Variants in ZNF528 observed in about 807,000 individuals in gnomAD.
ZNF528 encodes the protein zinc finger protein 528.
In ZNF528, 9 loss-of-function variants were observed where a neutral mutation model predicts 13.3. The observed-to-expected ratio is 0.67, with a 90% CI of 0.41 to 1.18. The LOEUF is 1.18. ZNF528 is among the 50% of genes most tolerant of loss of function. ZNF528 has a pLI of 0.01. For synonymous variants in ZNF528, 264 were observed against 254.3 expected (o/e 1.04, Z -0.36); for missense variants, 858 against 745.4 (o/e 1.15, Z -1.76).
At chr19:52,407,894 G>A (rs1426195240) in intron 6 of ZNF528, among the ~76,000 whole-genome samples, 2 of 152,144 alleles carry the variant, frequency 1.3e-5, no homozygotes, top group East Asian at 1.9e-4. Flanking sequence ...TGTATTTTTA[G>A]TAGAGATGGG....
chr19:52,401,413 T>A (rs2058792258), intron 2 of ZNF528, among the ~76,000 whole-genome samples: 1 of 152,172 alleles, frequency 6.6e-6, no homozygotes, highest in African/African-American at 2.4e-5. Context: ...TTACTTAAAA[T>A]GAGTGAGGAA....
chr19:52,399,411 G>C (rs2058765659), intron 2 of ZNF528, among the ~76,000 whole-genome samples: 1 of 152,140 alleles, frequency 6.6e-6, no homozygotes, highest in Non-Finnish European at 1.5e-5. Flanking sequence ...CAGGAGTTGA[G>C]ACCAGCCTGG....
rs1397969661 is a variant in ZNF528, at chr19:52,415,426, G to A, written c.574G>A (p.Gly192Ser). The part of the protein sequence containing the change: ...REKAYKCNEH[G>S]QVFRASASLT... Reference sequence around the variant, plus strand: ...AAAAGCTTATAAATGTAATGAGCACGGCCAAGTCTTTAGAGCATCTGCAAG... The same window carrying A: ...AAAAGCTTATAAATGTAATGAGCACAGCCAAGTCTTTAGAGCATCTGCAAG... The change falls in exon 7 of 7, where the codon GGC becomes AGC. Residue 192 changes from glycine to serine, a missense_variant. Gly to Ser is a moderately conservative substitution (Grantham distance 56, BLOSUM62 0). Coordinates refer to ENST00000360465, the MANE Select transcript of ZNF528 (RefSeq NM_032423.3). The A allele has an allele frequency of 4.3e-6, 7 of 1,614,158 alleles. No individual in the cohort carries two copies. Among genetic ancestry groups the A allele is most frequent in the Admixed American group, 1.7e-5 (1 of 60,022 alleles).
intron 5 of ZNF528, 73 bp downstream of exon 5, chr19:52,406,106 G>C (rs1221644048): frequency 3.2e-5 from 48 of 1,513,004 alleles, no homozygotes; most frequent in South Asian, 1.1e-4. Flanking sequence ...TATGCCTCTT[G>C]GGAGCTCCTG....
At position 52,417,120 on chromosome 19, in the gene ZNF528, C is replaced by G. The variant is rs2059014120; in HGVS notation, c.*381C>G. The stretch of plus-strand genomic sequence containing the variant: ...CGGCTTGTAAATGACCAGTTTTATT[C>G]AGGCTATAAAGCATTCAATTATTTG... On this transcript the variant is annotated 3_prime_UTR_variant, in exon 7 of 7. Coordinates refer to ENST00000360465, the MANE Select transcript of ZNF528 (RefSeq NM_032423.3). The G allele has an allele frequency of 4.3e-6, 1 of 231,910 alleles. No individual in the cohort carries two copies. The highest frequency in any genetic ancestry group is 8.5e-6 in the Non-Finnish European group (1 of 116,972). The allele number at this position is 231,910 out of a possible 1,614,324, so 14.4% of individuals were successfully genotyped here.
chr19:52,416,756 T>TGC lies in ZNF528; in HGVS notation c.*17_*18insGC, dbSNP rs2122610654. ...CATTCATGAGAGTCCCTACAAACTG[T>TGC]ATGGCAAAACCATCATCATGAGTTC... On this transcript the variant is annotated 3_prime_UTR_variant, in exon 7 of 7. Transcript: ENST00000360465. The TGC allele has an allele frequency of 6.3e-7, 1 of 1,574,920 alleles. No homozygotes were observed. Among genetic ancestry groups the TGC allele is most frequent in the Non-Finnish European group, 8.6e-7 (1 of 1,156,900 alleles).
At chr19:52,414,271 C>T (rs867520840) in intron 6 of ZNF528, 30 of 702,492 alleles carry the variant, frequency 4.3e-5, no homozygotes, top group African/African-American at 2.4e-4. Flanking sequence ...GCCACTTGTC[C>T]GACATCCTCG....
intron 6 of ZNF528, 127 bp downstream of exon 6, chr19:52,406,770 T>A: frequency 1.6e-6 from 2 of 1,262,576 alleles, no homozygotes; most frequent in Non-Finnish European, 2.1e-6. Flanking sequence ...TTCCTGGACT[T>A]AAGGGATCTC....
At chr19:52,399,901 C>T (rs923737579) in intron 2 of ZNF528, among the ~76,000 whole-genome samples, 1 of 152,164 alleles carries the variant, frequency 6.6e-6, no homozygotes, top group Admixed American at 6.5e-5. Context: ...GGAACAACCA[C>T]AGACACATTT....
In ZNF528 at chr19:52,415,602, C is replaced by T. The variant is rs775277736; in HGVS notation, c.750C>T (p.Phe250=). Residue 250 remains phenylalanine (F), a synonymous_variant, in exon 7 of 7, where the codon TTC becomes TTT. Transcript: ENST00000360465. ...AATGTCATGAATGTGGCAAGCTCTTCAGTAGCAATTCAAACCTTTCACAAC... is the reference window on the plus strand; with the variant it reads ...AATGTCATGAATGTGGCAAGCTCTTTAGTAGCAATTCAAACCTTTCACAAC... ...PYKCHECGKL[F]SSNSNLSQHQ... 2.5e-6 allele frequency: 4 copies of T among 1,613,970 alleles called. No individual in the cohort carries two copies. Among genetic ancestry groups the T allele is most frequent in the Non-Finnish European group, 3.4e-6 (4 of 1,179,984 alleles).
At position 52,407,674 on chromosome 19, in the gene ZNF528, G is replaced by A. The variant is rs555045139; in HGVS notation, c.271+1031G>A. 7.9e-4 allele frequency among the ~76,000 whole-genome samples: 121 copies of A among 152,210 alleles called. 1 individual carries two copies. The East Asian group carries it at 0.014, about 18-fold the overall frequency. On this transcript the variant is annotated intron_variant, in intron 6 of 6. Transcript: ENST00000360465. ...GCCTATAATCCCAGCTACTCAGGAG[G>A]CTGAGGCAGGAGAATCGCTTGAACC...
At position 52,406,049 on chromosome 19, in the gene ZNF528, C is replaced by A; in HGVS notation, c.142+16C>A. ...GTCTCCCTGGGTGAGGATAATGTCC[C>A]CTCAGAAGCCGGGATCTGCCCTGGT... On this transcript the variant is annotated intron_variant, in intron 5 of 6. Coordinates refer to ENST00000360465, the MANE Select transcript of ZNF528 (RefSeq NM_032423.3). 6.2e-7 allele frequency: 1 copy of A among 1,606,694 alleles called. No homozygotes were observed. Among genetic ancestry groups the A allele is most frequent in the Non-Finnish European group, 8.5e-7 (1 of 1,175,950 alleles).
At position 52,415,982 on chromosome 19, in the gene ZNF528, G is replaced by T. The variant is rs1449585419; in HGVS notation, c.1130G>T (p.Gly377Val). The change falls in exon 7 of 7, where the codon GGA (glycine) becomes GTA (valine). Residue 377 changes from glycine (G) to valine (V), a missense_variant. Gly to Val is a moderately radical substitution (Grantham distance 109). Transcript: ENST00000360465. ...ATAACCCATCAGTTAATTCACACTG[G>T]AAGGAAACCTTACAAATGTAAAGAA... The part of the protein sequence containing the change: ...SLITHQLIHT[G>V]RKPYKCKECD... The T allele has an allele frequency of 6.2e-7, 1 of 1,613,974 alleles. No homozygotes were observed. The highest frequency in any genetic ancestry group is 8.5e-7 in the Non-Finnish European group (1 of 1,180,008).
chr19:52,405,966 GGA>G lies in ZNF528; in HGVS notation c.76_77del (p.Asp26ProfsTer16). The G allele has an allele frequency of 6.2e-7, 1 of 1,612,360 alleles. No homozygotes were observed. Among genetic ancestry groups the G allele is most frequent in the South Asian group, 1.1e-5 (1 of 91,062 alleles). On this transcript the variant is annotated frameshift_variant, in exon 5 of 7. Coordinates refer to ENST00000360465, the MANE Select transcript of ZNF528 (RefSeq NM_032423.3). LOFTEE classifies it high-confidence loss of function. ...EFSQEEWKCL[D>X]PAQRTLYRDV... ...TCTCTCAGGAAGAGTGGAAATGCCT[GGA>G]CCCTGCGCAGAGGACTTTATACAGG...
chr19:52,400,397 C>G (rs1000066948), intron 2 of ZNF528, among the ~76,000 whole-genome samples: 2 of 152,096 alleles, frequency 1.3e-5, no homozygotes, highest in Non-Finnish European at 2.9e-5. Context: ...TTTAGGCGCT[C>G]TCTCACTCTT....
At position 52,405,890 on chromosome 19, in the gene ZNF528, T is replaced by C; in HGVS notation, c.16-17T>C. On this transcript the variant is annotated splice_polypyrimidine_tract_variant and intron_variant, in intron 4 of 6. Coordinates refer to ENST00000360465, the MANE Select transcript of ZNF528 (RefSeq NM_032423.3). The stretch of plus-strand genomic sequence containing the variant: ...CTGTGTGCATACCTTGTTGCTGAAA[T>C]GTGGATTTTCTTTCAGGGACCCTTG... 6.2e-7 allele frequency: 1 copy of C among 1,607,172 alleles called. No homozygotes were observed. Among genetic ancestry groups the C allele is most frequent in the East Asian group, 2.2e-5 (1 of 44,560 alleles).
Position 52,416,637 on chromosome 19 carries a change from C to A in ZNF528, c.1785C>A (p.His595Gln). Reference protein sequence around the residue: ...IFTQKSSLTNHHRIHIGEKPY... With the variant: ...IFTQKSSLTNQHRIHIGEKPY... ...CTCAGAAGTCTTCCCTCACCAATCA[C>A]CATAGAATTCACATTGGAGAGAAAC... The change falls in exon 7 of 7, where the codon CAC (histidine) becomes CAA (glutamine). Residue 595 changes from histidine (H) to glutamine (Q), a missense_variant. Physicochemically the swap from His to Gln is conservative, Grantham distance 24. Transcript: ENST00000360465. 1 of 1,614,100 alleles carries A rather than the reference C, an allele frequency of 6.2e-7. No individual in the cohort carries two copies. Among genetic ancestry groups the A allele is most frequent in the East Asian group, 2.2e-5 (1 of 44,876 alleles).
intron 2 of ZNF528, among the ~76,000 whole-genome samples, chr19:52,400,234 A>G (rs1364686630): frequency 2.8e-5 from 4 of 141,378 alleles, no homozygotes. Context: ...TAAAACACAC[A>G]CACACACACA....
At position 52,402,010 on chromosome 19, in the gene ZNF528, A is replaced by G. The variant is rs1467683774; in HGVS notation, c.-4A>G. 2 of 1,614,194 alleles carry G rather than the reference A, an allele frequency of 1.2e-6. No homozygotes were observed. The highest frequency in any genetic ancestry group is 1.7e-6 in the Non-Finnish European group (2 of 1,180,024). On this transcript the variant is annotated 5_prime_UTR_variant, in exon 4 of 7. Coordinates refer to ENST00000360465, the MANE Select transcript of ZNF528 (RefSeq NM_032423.3). ...CTTGGAAGAGGAAAGAAAAGAAGTC[A>G]GGAATGGCCCTTACTCAGGTAAGGT...
Sources: allele counts gnomAD v4.1 joint callset (sites outside exome capture counted in the v4.1 genomes callset), GRCh38; gene constraint gnomAD v4.1.1; transcripts MANE v1.5; gene names NCBI Gene and HGNC (gene_info 2026-07-23, HGNC 2026-07-21).